GABRE: variants seen among roughly 807,000 people sequenced by gnomAD.
The protein encoded by GABRE is gamma-aminobutyric acid type A receptor subunit epsilon.
A neutral mutation model predicts 31.0 loss-of-function variants in GABRE; 20 were observed. The observed-to-expected ratio is 0.64, with a 90% CI of 0.45 to 0.94. The LOEUF is 0.94. Among genes scored for constraint, GABRE ranks in the 40% least tolerant of loss-of-function variants. GABRE has a pLI of 0.00. For synonymous variants in GABRE, 155 were observed against 150.6 expected, an observed-to-expected ratio of 1.03 and a Z score of -0.21; for missense variants, 420 against 410.7, an observed-to-expected ratio of 1.02 and a Z score of -0.20.
chrX:151,958,701 C>T (rs1252584946), intron 6 of GABRE: 1 of 334,927 alleles, frequency 3.0e-6, no homozygotes, highest in Admixed American at 3.2e-5. Context: ...TGGGTCCCCA[C>T]CTATCCGGGA....
In GABRE at chrX:151,953,295, G is replaced by A. The variant is rs1433181398; in HGVS notation, c.*1406C>T. 2.7e-5 allele frequency: 3 copies of A among 111,561 alleles called. No individual in the cohort carries two copies. The highest frequency in any genetic ancestry group is 3.8e-5 in the Non-Finnish European group (2 of 53,114). 9.2% of individuals were successfully genotyped at this position (111,561 alleles called of 1,213,427 possible). A position where few individuals can be genotyped will look rare whatever the true frequency, so the allele number is the denominator to read the frequency against. On this transcript the variant is annotated 3_prime_UTR_variant, in exon 9 of 9. Coordinates refer to ENST00000370328, the MANE Select transcript of GABRE (RefSeq NM_004961.4). ...TCATTCCACTGGGTTACTACAGCCAGGAGAGATTTGATCTTGGGGGCAGTC... is the reference window on the plus strand; with the variant it reads ...TCATTCCACTGGGTTACTACAGCCAAGAGAGATTTGATCTTGGGGGCAGTC...
chrX:151,958,851 C>T (rs1161705924), intron 6 of GABRE: 1 of 267,543 alleles, frequency 3.7e-6, no homozygotes, highest in Non-Finnish European at 7.1e-6. Flanking sequence ...GCCCAGCCCT[C>T]TGCCCCTGCC....
rs372706803 is a variant in GABRE, at chrX:151,955,446, G to C, written c.1059C>G (p.Cys353Trp). The change falls in exon 8 of 9, where the codon TGC becomes TGG. Residue 353 changes from cysteine to tryptophan, a missense_variant. Coordinates refer to ENST00000370328, the MANE Select transcript of GABRE (RefSeq NM_004961.4). ...TGAGCACAGCAAACTCCAACAGAGC[G>C]CAGAAGCAGAAGACGAAGCAGATGG... ...YIAICFVFCFCALLEFAVLNF... is the reference protein window; with the variant it reads ...YIAICFVFCFWALLEFAVLNF... The C allele has an allele frequency of 4.1e-6, 5 of 1,209,962 alleles. No homozygotes were observed. The African/African-American group carries it at 8.7e-5, about 21-fold the overall frequency.
At chrX:151,971,181 G>C (rs1334276067) in intron 1 of GABRE, 1 of 772,337 alleles carries the variant, frequency 1.3e-6, no homozygotes, top group Non-Finnish European at 1.7e-6. Context: ...TTTGCTGGGA[G>C]GCAGTGACAA....
Position 151,959,936 on chromosome X carries a change from AT to A in GABRE, c.686del (p.Asn229IlefsTer22). On this transcript the variant is annotated frameshift_variant, in exon 6 of 9. Coordinates refer to ENST00000370328, the MANE Select transcript of GABRE (RefSeq NM_004961.4). LOFTEE classifies it high-confidence loss of function. ...TCTTCTCATTGATTTCAAGCTTGAA[AT>A]TTTCCCACTTGTAGATCATCTCATT... ...PENEMIYKWE[N>X]FKLEINEKNS... 8.3e-7 allele frequency: 1 copy of A among 1,209,385 alleles called. No individual in the cohort carries two copies. Among genetic ancestry groups the A allele is most frequent in the Non-Finnish European group, 1.1e-6 (1 of 893,737 alleles).
Position 151,959,834 on chromosome X carries a change from C to G in GABRE, c.784+5G>C. The stretch of plus-strand genomic sequence containing the variant: ...TGGACTTCCGCCAAGCCCTGGCACG[C>G]TTACCAACTGGGGTTGTGATTATTT... On this transcript the variant is annotated splice_donor_5th_base_variant and intron_variant, in intron 6 of 8. Transcript: ENST00000370328. 2 of 1,210,032 alleles carry G rather than the reference C, an allele frequency of 1.7e-6. No individual in the cohort carries two copies. The highest frequency in any genetic ancestry group is 2.2e-6 in the Non-Finnish European group (2 of 894,533).
chrX:151,972,128 G>A (rs1055739614), intron 1 of GABRE: 14 of 749,684 alleles, frequency 1.9e-5, no homozygotes, highest in Non-Finnish European at 2.0e-5. Context: ...CCTGTATTGC[G>A]GACCAAGGGA....
chrX:151,972,369 G>T (rs967427746), intron 1 of GABRE: 27 of 751,585 alleles, frequency 3.6e-5, no homozygotes, highest in Non-Finnish European at 4.2e-5. Context: ...CATCTCAAAA[G>T]ATAAGGGCCA....
intron 2 of GABRE, 152 bp from the exon 3 acceptor site, chrX:151,969,888 G>A: frequency 9.2e-7 from 1 of 1,083,157 alleles, no homozygotes; most frequent in Non-Finnish European, 1.2e-6. Context: ...ATTCTTTCAT[G>A]GCAAAACCAA....
At chrX:151,956,906 C>T (rs1480366843) in intron 6 of GABRE, 1 of 113,018 alleles carries the variant, frequency 8.8e-6, no homozygotes, top group Non-Finnish European at 1.9e-5. Context: ...ACACCCTCCC[C>T]AAGCACTCTG....
rs1274814516 is a variant in GABRE at position 151,954,280 on chromosome X, A to G, written c.*421T>C. 1.6e-5 allele frequency: 2 copies of G among 124,427 alleles called. No homozygotes were observed. The highest frequency in any genetic ancestry group is 1.7e-4 in the Admixed American group (2 of 11,939). 10.3% of individuals were successfully genotyped at this position (124,427 alleles called of 1,213,427 possible). A position where few individuals can be genotyped will look rare whatever the true frequency, so the allele number is the denominator to read the frequency against. ...GTCGGTGCACTTTGAGGCTGAGGCC[A>G]GAACTGGGCCGAAAGCACTACAAAG... On this transcript the variant is annotated 3_prime_UTR_variant, in exon 9 of 9. Transcript: ENST00000370328.
intron 3 of GABRE, among the ~76,000 whole-genome samples, chrX:151,965,339 T>C (rs934010865): frequency 1.1e-4 from 12 of 112,094 alleles, no homozygotes. Context: ...GGTCTCCAGA[T>C]ATTGTCTGTC....
intron 1 of GABRE, among the ~76,000 whole-genome samples, chrX:151,972,832 C>T (rs867826967): frequency 7.2e-5 from 8 of 110,635 alleles, no homozygotes; most frequent in African/African-American, 2.0e-4. Context: ...AGCTCACTTT[C>T]GGGGCTAGAC....
intron 1 of GABRE, 177 bp from the exon 2 acceptor site, chrX:151,970,579 A>C (rs1442147378): frequency 6.1e-6 from 3 of 493,690 alleles, no homozygotes; most frequent in Admixed American, 8.9e-5. Context: ...TTTCTTTTAA[A>C]CCTTGCTGCT....
chrX:151,959,956 T>C lies in GABRE; in HGVS notation c.667A>G (p.Met223Val), dbSNP rs760038678. The C allele has an allele frequency of 1.7e-6, 2 of 1,209,884 alleles. No individual in the cohort carries two copies. Among genetic ancestry groups the C allele is most frequent in the Non-Finnish European group, 1.1e-6 (1 of 894,501 alleles). Residue 223 changes from methionine (M) to valine (V), a missense_variant, in exon 6 of 9, where the codon ATG (methionine) becomes GTG (valine). Transcript: ENST00000370328. ...TTGAAATTTTCCCACTTGTAGATCA[T>C]CTCATTCTCAGGATAGGAAACTGGA... is the stretch of plus-strand genomic sequence containing the variant. ...FSSFSYPENE[M>V]IYKWENFKLE...
chrX:151,962,573 T>A lies in GABRE; in HGVS notation c.413A>T (p.Glu138Val). 2 of 1,210,989 alleles carry A rather than the reference T, an allele frequency of 1.7e-6. No homozygotes were observed. The highest frequency in any genetic ancestry group is 2.2e-6 in the Non-Finnish European group (2 of 895,170). Residue 138 changes from glutamate to valine, a missense_variant, in exon 4 of 9, where the codon GAG becomes GTG. Transcript: ENST00000370328. ...CACATTGCCATTCAGAACAAGAGAC[T>A]CAAAGGTGTCGTTGTAACAGAGGCG... ...DERLCYNDTF[E>V]SLVLNGNVVS...
At position 151,955,068 on chromosome X, in the gene GABRE, C is replaced by G; in HGVS notation, c.1154G>C (p.Arg385Pro). 8.3e-7 allele frequency: 1 copy of G among 1,201,886 alleles called. No homozygotes were observed. Among genetic ancestry groups the G allele is most frequent in the Non-Finnish European group, 1.1e-6 (1 of 890,428 alleles). Residue 385 changes from arginine to proline, a missense_variant, in exon 9 of 9, where the codon CGT (arginine) becomes CCT (proline). Arg to Pro is a moderately radical substitution (Grantham distance 103). Transcript: ENST00000370328. Reference protein sequence around the residue: ...PKLRHPRINSRAHARTRARSR... With the variant: ...PKLRHPRINSPAHARTRARSR... ...ACGTGCACGGGTACGGGCATGGGCA[C>G]GGCTATTGATACGAGGCTAAAATGG... is the stretch of plus-strand genomic sequence containing the variant.
intron 6 of GABRE, chrX:151,958,469 C>T (rs1934247758): frequency 6.3e-6 from 2 of 316,708 alleles, no homozygotes; most frequent in Admixed American, 8.0e-5. Flanking sequence ...ATCAACTAGT[C>T]TCCAGCAGAG....
Position 151,953,815 on chromosome X carries a change from C to A in GABRE, c.*886G>T, listed in dbSNP as rs1960896964. ...AAGCCGAGTTTCCTTAGTTTCTTGG[C>A]CCCAGGAAGTCACCAAGGCCTAGTG... On this transcript the variant is annotated 3_prime_UTR_variant, in exon 9 of 9. Coordinates refer to ENST00000370328, the MANE Select transcript of GABRE (RefSeq NM_004961.4). 1 of 111,575 alleles carries A rather than the reference C, an allele frequency of 9.0e-6. No individual in the cohort carries two copies. Among genetic ancestry groups the A allele is most frequent in the Non-Finnish European group, 1.9e-5 (1 of 53,107 alleles). The allele number at this position is 111,575 out of a possible 1,213,427, so 9.2% of individuals were successfully genotyped here.
Sources: gnomAD v4.1 joint callset for allele counts (sites outside exome capture counted in the v4.1 genomes callset) on GRCh38, gnomAD v4.1.1 for gene constraint, MANE v1.5 for transcripts, NCBI Gene and HGNC (gene_info 2026-07-23, HGNC 2026-07-21) for gene names.